Variants in LIN28B observed in about 807,000 individuals in gnomAD.
LIN28B encodes lin-28 RNA binding posttranscriptional regulator B.
A neutral mutation model predicts 21.9 loss-of-function variants in LIN28B; 5 were observed. The observed-to-expected ratio is 0.23, with a 90% CI of 0.12 to 0.48. The LOEUF (loss-of-function observed/expected upper bound fraction) is 0.48, where lower values mean the gene tolerates loss of function less well. Ranked by LOEUF, LIN28B falls within the 20% of genes least tolerant of loss-of-function variation. LIN28B has a pLI of 0.98. For missense variants in LIN28B, 245 were observed against 310.5 expected (o/e 0.79, Z 1.58); for synonymous variants, 109 against 111.3 (o/e 0.98, Z 0.13).
intron 3 of LIN28B, among the ~76,000 whole-genome samples, chr6:105,060,259 TTTTGTTTG>T (rs139401441): frequency 0.022 from 3,360 of 151,866 alleles, 56 homozygotes; most frequent in Middle Eastern, 0.055. Flanking sequence ...TAATTCATTT[TTTTGTTTG>T]TTTGTTTCTT....
chr6:105,071,174 G>A (rs1040554638), intron 3 of LIN28B, among the ~76,000 whole-genome samples: 5 of 151,958 alleles, frequency 3.3e-5, no homozygotes, highest in Admixed American at 1.3e-4. Flanking sequence ...CACTGCACCC[G>A]GCCGGTTTTT....
chr6:105,029,585 T>A (rs1771375447), intron 3 of LIN28B, among the ~76,000 whole-genome samples: 1 of 151,062 alleles, frequency 6.6e-6, no homozygotes, highest in Non-Finnish European at 1.5e-5. Context: ...GGTAGAAGAG[T>A]AGGTTTGGAA....
At chr6:104,971,966 G>GTTATTTAT (rs200156801) in intron 2 of LIN28B, among the ~76,000 whole-genome samples, 9,152 of 151,758 alleles carry the variant, frequency 0.06, 393 homozygotes, top group Admixed American at 0.1. Flanking sequence ...TAGTATTACT[G>GTTATTTAT]TTATTTATTT....
rs1320789205 is a variant in LIN28B at position 105,081,476 on chromosome 6, G to A, written c.*2693G>A. On this transcript the variant is annotated 3_prime_UTR_variant, in exon 4 of 4. Transcript: ENST00000345080. ...TACATAGCACACCTGTATGTATGCTGTTCCAGCCTTACAGGTGGCTGATAA... is the reference window on the plus strand; with the variant it reads ...TACATAGCACACCTGTATGTATGCTATTCCAGCCTTACAGGTGGCTGATAA... 1.3e-5 allele frequency: 2 copies of A among 152,596 alleles called. No homozygotes were observed. Among genetic ancestry groups the A allele is most frequent in the African/African-American group, 4.8e-5 (2 of 41,448 alleles). 9.5% of individuals were successfully genotyped at this position (152,596 alleles called of 1,614,324 possible). A position where few individuals can be genotyped will look rare whatever the true frequency, so the allele number is the denominator to read the frequency against.
At chr6:104,979,492 G>A (rs1770175705) in intron 2 of LIN28B, among the ~76,000 whole-genome samples, 1 of 152,016 alleles carries the variant, frequency 6.6e-6, no homozygotes, top group Admixed American at 6.6e-5. Flanking sequence ...ACACGTGTGA[G>A]ACACCGTGCC....
intron 2 of LIN28B, among the ~76,000 whole-genome samples, chr6:104,939,861 A>C (rs1778058301): frequency 6.6e-6 from 1 of 152,230 alleles, no homozygotes; most frequent in African/African-American, 2.4e-5. Flanking sequence ...AGTACTGTTT[A>C]GTTCTGAAAG....
In LIN28B at chr6:105,016,942, A is replaced by T. The variant is rs536950455; in HGVS notation, c.199-9356A>T. On this transcript the variant is annotated intron_variant, in intron 2 of 3. Transcript: ENST00000345080. ...AAAAAAAACAGCTGGGTGTGGTGGT[A>T]CACACCTGTGGTCCCAGCAACTTGG... Among the ~76,000 whole-genome samples the T allele has an allele frequency of 3.8e-4, 58 of 151,836 alleles. 1 individual carries two copies. The highest frequency in any genetic ancestry group is 6.8e-3 in the Middle Eastern group (2 of 292).
chr6:105,011,301 A>C (rs1341175732), intron 2 of LIN28B, among the ~76,000 whole-genome samples: 2 of 152,018 alleles, frequency 1.3e-5, no homozygotes, highest in African/African-American at 4.8e-5. Flanking sequence ...GGTGATCCTC[A>C]CACTTCAGCC....
intron 2 of LIN28B, among the ~76,000 whole-genome samples, chr6:104,958,765 C>T (rs948815609): frequency 2.6e-5 from 4 of 152,144 alleles, no homozygotes; most frequent in African/African-American, 9.7e-5. Context: ...GCTGCCTGTC[C>T]TGTAATCATT....
intron 2 of LIN28B, among the ~76,000 whole-genome samples, chr6:104,949,356 A>T (rs1778192899): frequency 6.6e-6 from 1 of 152,178 alleles, no homozygotes; most frequent in African/African-American, 2.4e-5. Flanking sequence ...AACACAGGCT[A>T]AGTGAAGGAT....
chr6:105,076,761 A>G (rs1772433010), intron 3 of LIN28B, among the ~76,000 whole-genome samples: 1 of 151,682 alleles, frequency 6.6e-6, no homozygotes, highest in Non-Finnish European at 1.5e-5. Flanking sequence ...GCGCGCCATC[A>G]TGCCCAGCTA....
At chr6:104,967,596 AAAAGAAAG>A (rs1363505648) in intron 2 of LIN28B, among the ~76,000 whole-genome samples, 2 of 149,228 alleles carry the variant, frequency 1.3e-5, no homozygotes, top group Non-Finnish European at 3.0e-5. Flanking sequence ...AAAAAAAAAA[AAAAGAAAG>A]AAAGAAATTT....
chr6:105,073,310 T>A (rs891715205), intron 3 of LIN28B, among the ~76,000 whole-genome samples: 1 of 152,216 alleles, frequency 6.6e-6, no homozygotes, highest in Non-Finnish European at 1.5e-5. Context: ...GAATCAGTTA[T>A]TTTTCCTTCA....
At chr6:104,957,310 C>G (rs773148254) in intron 1 of LIN28B, 50 bp downstream of exon 1, 3 of 1,294,510 alleles carry the variant, frequency 2.3e-6, no homozygotes, top group Non-Finnish European at 1.1e-6. Flanking sequence ...CTTCTTTTCT[C>G]CTCCCCCTCC....
chr6:104,967,234 CT>C (rs1464740236), intron 2 of LIN28B, among the ~76,000 whole-genome samples: 4 of 152,168 alleles, frequency 2.6e-5, no homozygotes, highest in Admixed American at 1.3e-4. Context: ...AAACTCACCA[CT>C]TACTTAAAGG....
chr6:105,015,938 C>T (rs1771017675), intron 2 of LIN28B, among the ~76,000 whole-genome samples: 1 of 152,126 alleles, frequency 6.6e-6, no homozygotes, highest in Admixed American at 6.5e-5. Flanking sequence ...TTATAGTATA[C>T]ATCCTTAAAT....
rs1217267985 is a variant in LIN28B, at chr6:104,938,980, TTAAA to T, written c.18+1867_18+1870del. On this transcript the variant is annotated intron_variant, in intron 2 of 5. Coordinates refer to the LIN28B transcript ENST00000635857. ...TCTGTTTACAATTCTTCTCAGGACTTTAAATAGGTATTGCATAAATATACATCAC... is the reference window on the plus strand; with the variant it reads ...TCTGTTTACAATTCTTCTCAGGACTTTAGGTATTGCATAAATATACATCAC... Among the ~76,000 whole-genome samples, 4 of 152,168 alleles carry T rather than the reference TTAAA, an allele frequency of 2.6e-5. No individual in the cohort carries two copies. The East Asian group carries it at 5.8e-4, about 22-fold the overall frequency.
At chr6:104,974,944 C>G (rs1039904552) in intron 2 of LIN28B, among the ~76,000 whole-genome samples, 1 of 151,932 alleles carries the variant, frequency 6.6e-6, no homozygotes, top group Non-Finnish European at 1.5e-5. Flanking sequence ...CTCAGCCTCC[C>G]AAGTAGCTGG....
chr6:104,939,990 G>A (rs929001405), intron 2 of LIN28B, among the ~76,000 whole-genome samples: 1 of 152,140 alleles, frequency 6.6e-6, no homozygotes, highest in East Asian at 1.9e-4. Context: ...CTAAATATGT[G>A]TATATATCAC....
Sources: allele counts gnomAD v4.1 joint callset (sites outside exome capture counted in the v4.1 genomes callset), GRCh38; gene constraint gnomAD v4.1.1; transcripts MANE v1.5; gene names NCBI Gene and HGNC (gene_info 2026-07-23, HGNC 2026-07-21).